SRGAP1: variants seen among roughly 807,000 people sequenced by gnomAD.
SRGAP1 encodes SLIT-ROBO Rho GTPase activating protein 1, also known as SLIT-ROBO Rho GTPase-activating protein 1.
Under a neutral mutation model 121.9 loss-of-function variants are expected in SRGAP1, and 43 were observed. The observed-to-expected ratio is 0.35, with a 90% CI of 0.28 to 0.46. The LOEUF (loss-of-function observed/expected upper bound fraction) is 0.46. Among genes scored for constraint, SRGAP1 ranks in the 20% least tolerant of loss-of-function variants. SRGAP1 has a pLI of 1.00. For missense variants in SRGAP1, 1,102 were observed against 1,350.9 expected (o/e 0.82, Z 2.89); for synonymous variants, 447 against 485.4 (o/e 0.92, Z 1.04).
At chr12:64,020,786 T>C (rs1205744558) in intron 4 of SRGAP1, among the ~76,000 whole-genome samples, 1 of 136,942 alleles carries the variant, frequency 7.3e-6, no homozygotes, top group Non-Finnish European at 1.5e-5. Context: ...GGGATTGCAG[T>C]GAGCCAAGAT....
At chr12:63,883,890 C>T in intron 1 of SRGAP1, among the ~76,000 whole-genome samples, 1 of 151,180 alleles carries the variant, frequency 6.6e-6, no homozygotes, top group Admixed American at 6.6e-5. Context: ...CATCTCCTGA[C>T]GTCGTGATCC....
rs368131260 is a variant in SRGAP1, at chr12:64,052,634, G to A, written c.801+9059G>A. On this transcript the variant is annotated intron_variant, in intron 6 of 21. Transcript: ENST00000355086. ...ATATTTTATATTTAAAAAAGAAAAA[G>A]CATGGAATTAGTAAAATGATAGATA... Among the ~76,000 whole-genome samples, 5 of 151,842 alleles carry A rather than the reference G, an allele frequency of 3.3e-5. No individual in the cohort carries two copies. The South Asian group carries it at 6.2e-4, about 19-fold the overall frequency.
chr12:64,005,908 C>CT (rs1305498501), intron 3 of SRGAP1, among the ~76,000 whole-genome samples: 4 of 152,100 alleles, frequency 2.6e-5, no homozygotes, highest in Non-Finnish European at 5.9e-5. Flanking sequence ...TATTGATAAC[C>CT]TTTATGTGAT....
chr12:64,050,908 G>T (rs918171495), intron 6 of SRGAP1, among the ~76,000 whole-genome samples: 1 of 152,064 alleles, frequency 6.6e-6, no homozygotes, highest in Non-Finnish European at 1.5e-5. Context: ...ATTTTTAGTA[G>T]AGACGGGGTT....
intron 12 of SRGAP1, among the ~76,000 whole-genome samples, chr12:64,094,483 A>G (rs1329766848): frequency 6.6e-6 from 1 of 152,212 alleles, no homozygotes; most frequent in Non-Finnish European, 1.5e-5. Context: ...ATGCATCTAT[A>G]GATATATAGA....
chr12:64,129,975 G>GGTTGTTGTT (rs57651653), intron 21 of SRGAP1, among the ~76,000 whole-genome samples: 1,885 of 151,210 alleles, frequency 0.012, 38 homozygotes, highest in African/African-American at 0.041. Flanking sequence ...AGCAGGTCGT[G>GGTTGTTGTT]GTTGTTGTTG....
At chr12:63,938,878 G>A (rs1443091823) in intron 1 of SRGAP1, among the ~76,000 whole-genome samples, 3 of 151,622 alleles carry the variant, frequency 2.0e-5, no homozygotes, top group African/African-American at 7.3e-5. Context: ...ATCTGGGCTG[G>A]GTGTAGTGAC....
chr12:64,048,754 T>C (rs2035182280), intron 6 of SRGAP1, among the ~76,000 whole-genome samples: 1 of 152,194 alleles, frequency 6.6e-6, no homozygotes. Context: ...TGATGATCAG[T>C]GATGTTGAGT....
At chr12:64,097,144 AC>A in intron 14 of SRGAP1, 96 bp from the exon 15 acceptor site, 1 of 1,208,334 alleles carries the variant, frequency 8.3e-7, no homozygotes, top group South Asian at 1.8e-5. Flanking sequence ...ATTAAAAGAT[AC>A]ATGTATATAT....
At chr12:63,895,048 G>A (rs1333587569) in intron 1 of SRGAP1, among the ~76,000 whole-genome samples, 2 of 152,140 alleles carry the variant, frequency 1.3e-5, no homozygotes, top group African/African-American at 2.4e-5. Context: ...TTGAGGAATC[G>A]CCACACTGTC....
rs1342348472 is a variant in SRGAP1 at position 64,137,823 on chromosome 12, A to G, written c.2881-4472A>G. Among the ~76,000 whole-genome samples, 3 of 152,030 alleles carry G rather than the reference A, an allele frequency of 2.0e-5. No homozygotes were observed. In the East Asian group the frequency reaches 5.8e-4, roughly 29 times the overall value. ...AAATCAGTTACCATTAAACCGTGCC[A>G]TGAGGGGTATGCTCCAGATGAGTGG... On this transcript the variant is annotated intron_variant, in intron 21 of 21. Coordinates refer to ENST00000355086, the MANE Select transcript of SRGAP1 (RefSeq NM_020762.4).
rs368890664 is a variant in SRGAP1, at chr12:63,922,509, G to A, written c.68-61438G>A. ...TTACCTCACAAGTAAAACTTTTCAAGTATTCAGACAGACAAAGTCTTAGTT... is the reference window on the plus strand; with the variant it reads ...TTACCTCACAAGTAAAACTTTTCAAATATTCAGACAGACAAAGTCTTAGTT... On this transcript the variant is annotated intron_variant, in intron 1 of 21. Transcript: ENST00000355086. Among the ~76,000 whole-genome samples the A allele has an allele frequency of 3.9e-5, 6 of 152,310 alleles. No homozygotes were observed. In the East Asian group the frequency reaches 1.2e-3, roughly 29 times the overall value.
At chr12:63,970,047 G>T (rs1339964379) in intron 1 of SRGAP1, among the ~76,000 whole-genome samples, 1 of 151,736 alleles carries the variant, frequency 6.6e-6, no homozygotes, top group African/African-American at 2.4e-5. Context: ...TCCTTTTCCT[G>T]TTCCCACCTT....
rs548285139 is a variant in SRGAP1 at position 64,021,588 on chromosome 12, C to T, written c.489+4576C>T. 1.3e-4 allele frequency among the ~76,000 whole-genome samples: 20 copies of T among 152,260 alleles called. No homozygotes were observed. In the East Asian group the frequency reaches 3.5e-3, roughly 26 times the overall value. On this transcript the variant is annotated intron_variant, in intron 4 of 21. Transcript: ENST00000355086. Reference sequence around the variant, plus strand: ...CTCAAGTCTAGGACTGGCTGCAGAGCCTCTACCCTTTACTGTCATTTTTAT... The same window carrying T: ...CTCAAGTCTAGGACTGGCTGCAGAGTCTCTACCCTTTACTGTCATTTTTAT...
At chr12:63,974,559 A>G (rs2033043757) in intron 1 of SRGAP1, among the ~76,000 whole-genome samples, 1 of 152,074 alleles carries the variant, frequency 6.6e-6, no homozygotes, top group Non-Finnish European at 1.5e-5. Context: ...TCTTACTTTA[A>G]TACAAAAAAG....
At chr12:63,897,281 A>G (rs1900784982) in intron 1 of SRGAP1, among the ~76,000 whole-genome samples, 1 of 152,224 alleles carries the variant, frequency 6.6e-6, no homozygotes, top group African/African-American at 2.4e-5. Flanking sequence ...TATTGAAATA[A>G]TTGCTTTTGT....
chr12:64,029,910 A>AAAAT (rs1425234559), intron 4 of SRGAP1, among the ~76,000 whole-genome samples: 20 of 137,722 alleles, frequency 1.5e-4, no homozygotes, highest in Non-Finnish European at 2.7e-4. Context: ...TCCGTCTCAA[A>AAAAT]AAATAAATAA....
At chr12:63,883,183 A>G (rs1057165561) in intron 1 of SRGAP1, among the ~76,000 whole-genome samples, 1 of 152,234 alleles carries the variant, frequency 6.6e-6, no homozygotes, top group African/African-American at 2.4e-5. Context: ...TCAAAGTATC[A>G]TGAAAGACTC....
intron 10 of SRGAP1, among the ~76,000 whole-genome samples, chr12:64,085,123 T>C (rs1038257120): frequency 1.3e-5 from 2 of 152,078 alleles, no homozygotes; most frequent in Admixed American, 6.6e-5. Context: ...TAAAACAAAC[T>C]TGGACCTGAG....
Sources: gnomAD v4.1 joint callset for allele counts (sites outside exome capture counted in the v4.1 genomes callset) on GRCh38, gnomAD v4.1.1 for gene constraint, MANE v1.5 for transcripts, NCBI Gene and HGNC (gene_info 2026-07-23, HGNC 2026-07-21) for gene names.